Variants in SP4 observed in about 807,000 individuals in gnomAD.
SP4 encodes Sp4 transcription factor.
Under a neutral mutation model 72.8 loss-of-function variants are expected in SP4, and 19 were observed. That is an observed-to-expected ratio of 0.26 (90% confidence interval 0.18 to 0.38). SP4 has a LOEUF of 0.38. SP4 is among the 10% of genes least tolerant of loss of function. The pLI is 1.00. For synonymous variants in SP4, 395 were observed against 333.1 expected (o/e 1.19, Z -2.02); for missense variants, 1,008 against 926.3 (o/e 1.09, Z -1.14).
At chr7:21,443,682 AG>A (rs934358981) in intron 3 of SP4, among the ~76,000 whole-genome samples, 17 of 152,296 alleles carry the variant, frequency 1.1e-4, no homozygotes, top group Admixed American at 9.2e-4. Flanking sequence ...GGGCTGGGAA[AG>A]GGGTGGAAAA....
At chr7:21,503,078 A>G (rs912475779) in intron 5 of SP4, among the ~76,000 whole-genome samples, 1 of 151,878 alleles carries the variant, frequency 6.6e-6, no homozygotes, top group Non-Finnish European at 1.5e-5. Context: ...GGAGCACTTG[A>G]TAGGGACCTT....
chr7:21,453,751 T>G (rs925698312), intron 3 of SP4, among the ~76,000 whole-genome samples: 2 of 152,226 alleles, frequency 1.3e-5, no homozygotes, highest in African/African-American at 4.8e-5. Flanking sequence ...AGAAGAATGC[T>G]CTAAGAAAAC....
At chr7:21,509,368 A>T (rs544137348) in intron 5 of SP4, among the ~76,000 whole-genome samples, 1 of 151,656 alleles carries the variant, frequency 6.6e-6, no homozygotes, top group South Asian at 2.1e-4. Flanking sequence ...AAAGTATTTT[A>T]TTTTTGTGTA....
intron 3 of SP4, among the ~76,000 whole-genome samples, chr7:21,459,003 C>G (rs12669528): frequency 0.31 from 46,816 of 152,092 alleles, 7,873 homozygotes; most frequent in East Asian, 0.66. Context: ...ATGACCCTAA[C>G]AACTGACAGG....
intron 5 of SP4, among the ~76,000 whole-genome samples, chr7:21,489,451 G>A (rs1367991629): frequency 6.6e-6 from 1 of 150,448 alleles, no homozygotes; most frequent in Non-Finnish European, 1.5e-5. Flanking sequence ...TGCCTGAGTA[G>A]CTGGGACTTG....
At chr7:21,468,954 A>G (rs1011313763) in intron 3 of SP4, among the ~76,000 whole-genome samples, 5 of 152,160 alleles carry the variant, frequency 3.3e-5, no homozygotes, top group African/African-American at 1.2e-4. Flanking sequence ...AGCTCTTTAT[A>G]TATACTCCTG....
intron 5 of SP4, among the ~76,000 whole-genome samples, chr7:21,499,322 T>C (rs1242772162): frequency 6.6e-6 from 1 of 152,218 alleles, no homozygotes; most frequent in African/African-American, 2.4e-5. Flanking sequence ...AATCCTAGTA[T>C]CTGTGAATGT....
intron 5 of SP4, among the ~76,000 whole-genome samples, chr7:21,493,222 G>T (rs1354570652): frequency 6.7e-6 from 1 of 148,884 alleles, no homozygotes; most frequent in Admixed American, 6.7e-5. Context: ...ATCATACGAA[G>T]TATGTTCTCA....
rs1782221149 is a variant in SP4 at position 21,514,541 on chromosome 7, AAAATG to A, written c.*3276_*3280del. The A allele has an allele frequency of 6.6e-6, 1 of 151,868 alleles. No individual in the cohort carries two copies. Among genetic ancestry groups the A allele is most frequent in the Admixed American group, 6.6e-5 (1 of 15,224 alleles). The allele number at this position is 151,868 out of a possible 1,614,324, so 9.4% of individuals were successfully genotyped here. ...TGTAAATTTTTTTTGTAAAAAAAAA[AAAATG>A]AAAAAAAAAGATGAATCCAGAAAAA... On this transcript the variant is annotated 3_prime_UTR_variant, in exon 6 of 6. Transcript: ENST00000222584.
Position 21,466,837 on chromosome 7 carries a change from A to C in SP4, c.1679-10242A>C, listed in dbSNP as rs368688014. 7.3e-4 allele frequency among the ~76,000 whole-genome samples: 111 copies of C among 151,720 alleles called. 3 individuals are homozygous for C. In the South Asian group the frequency reaches 0.023, roughly 31 times the overall value. On this transcript the variant is annotated intron_variant, in intron 3 of 5. Transcript: ENST00000222584. ...TGTACCATGGAATCTCTCTAGTCAT[A>C]TGTCTGTCAAAACTGTCACAGCCTA...
At chr7:21,432,782 C>A (rs1011366197) in intron 3 of SP4, among the ~76,000 whole-genome samples, 2 of 151,862 alleles carry the variant, frequency 1.3e-5, no homozygotes, top group Non-Finnish European at 2.9e-5. Flanking sequence ...TTGCTTGAGC[C>A]CACTAGTTCA....
At position 21,430,026 on chromosome 7, in the gene SP4, T is replaced by C. The variant is rs1782781786; in HGVS notation, c.861T>C (p.Ala287=). The change falls in exon 3 of 6, where the codon GCT becomes GCC. Residue 287 remains alanine, a synonymous_variant. Transcript: ENST00000222584. ...GGACTGGGCAGGTTGGCCAGCCTGC[T>C]GCTACTGCTGATAGTGGGACTTCCA... is the stretch of plus-strand genomic sequence containing the variant. ...GGGTGQVGQP[A]ATADSGTSNG... is the part of the protein sequence containing the mutation. 1 of 1,614,206 alleles carries C rather than the reference T, an allele frequency of 6.2e-7. No homozygotes were observed. Among genetic ancestry groups the C allele is most frequent in the Non-Finnish European group, 8.5e-7 (1 of 1,180,020 alleles).
chr7:21,439,593 T>C, intron 3 of SP4, among the ~76,000 whole-genome samples: 1 of 152,058 alleles, frequency 6.6e-6, no homozygotes, highest in South Asian at 2.1e-4. Flanking sequence ...CAAAGGTGTT[T>C]TTTGAAAATG....
In SP4 at chr7:21,495,410, GT is replaced by G. The variant is rs1273016749; in HGVS notation, c.2107+13299del. On this transcript the variant is annotated intron_variant, in intron 5 of 5. Transcript: ENST00000222584. The stretch of plus-strand genomic sequence containing the variant: ...AAACTCAGTGTAAACAAATTTAACA[GT>G]TTTTTTTTTTTAAATGAGCAAAGGA... Among the ~76,000 whole-genome samples, 988 of 145,714 alleles carry G rather than the reference GT, an allele frequency of 6.8e-3. 11 individuals carry two copies. Among genetic ancestry groups the G allele is most frequent in the African/African-American group, 0.019 (775 of 40,094 alleles).
intron 5 of SP4, among the ~76,000 whole-genome samples, chr7:21,489,333 T>C (rs1421941718): frequency 6.6e-6 from 1 of 152,064 alleles, no homozygotes. Flanking sequence ...AGAATTTTGT[T>C]GTTGTTGTTG....
chr7:21,501,883 A>T (rs756924694), intron 5 of SP4, among the ~76,000 whole-genome samples: 6 of 152,144 alleles, frequency 3.9e-5, no homozygotes, highest in Non-Finnish European at 7.3e-5. Context: ...TTAGCTGGCT[A>T]GCCACCCCTT....
In SP4 at chr7:21,450,219, T is replaced by C. The variant is rs537193725; in HGVS notation, c.1678+19376T>C. ...AAAGATTTTCCAGGATTTCTGTTTT[T>C]ATGGTAAATTTGACTGGGTCAAATA... On this transcript the variant is annotated intron_variant, in intron 3 of 5. Transcript: ENST00000222584. Among the ~76,000 whole-genome samples, 11 of 152,310 alleles carry C rather than the reference T, an allele frequency of 7.2e-5. 1 individual carries two copies. The South Asian group carries it at 2.3e-3, about 32-fold the overall frequency.
intron 5 of SP4, among the ~76,000 whole-genome samples, chr7:21,497,929 A>C (rs1202712240): frequency 6.6e-6 from 1 of 152,220 alleles, no homozygotes; most frequent in Non-Finnish European, 1.5e-5. Context: ...AGTTTCTCAG[A>C]ACTGCCTATC....
At chr7:21,462,116 C>A (rs1407423032) in intron 3 of SP4, among the ~76,000 whole-genome samples, 2 of 150,616 alleles carry the variant, frequency 1.3e-5, no homozygotes, top group African/African-American at 4.9e-5. Context: ...ACCTCCACCT[C>A]CCAGGCTGAA....
Sources: gnomAD v4.1 joint callset for allele counts (sites outside exome capture counted in the v4.1 genomes callset) on GRCh38, gnomAD v4.1.1 for gene constraint, MANE v1.5 for transcripts, NCBI Gene and HGNC (gene_info 2026-07-23, HGNC 2026-07-21) for gene names.